The following TRPC1 variants were observed in gnomAD, a reference collection of about 807,000 sequenced individuals.
The protein encoded by TRPC1 is transient receptor potential cation channel subfamily C member 1.
Under a neutral mutation model 88.2 loss-of-function variants are expected in TRPC1, and 42 were observed. The observed-to-expected ratio is 0.48, with a 90% CI of 0.37 to 0.62. The LOEUF (loss-of-function observed/expected upper bound fraction) is 0.62, where lower values mean the gene tolerates loss of function less well. Among genes scored for constraint, TRPC1 ranks in the 20% least tolerant of loss-of-function variants. The pLI is 0.00. For synonymous variants in TRPC1, 288 were observed against 331.8 expected (o/e 0.87, Z 1.43); for missense variants, 699 against 957.3 (o/e 0.73, Z 3.56).
chr3:142,778,937 T>C (rs1332069922), intron 5 of TRPC1, among the ~76,000 whole-genome samples: 1 of 152,210 alleles, frequency 6.6e-6, no homozygotes, highest in African/African-American at 2.4e-5. Flanking sequence ...TACTTTACTT[T>C]GATGAACACA....
At position 142,725,600 on chromosome 3, in the gene TRPC1, AT is replaced by A. The variant is rs527917411; in HGVS notation, c.172+871del. Among the ~76,000 whole-genome samples the A allele has an allele frequency of 4.7e-3, 710 of 152,316 alleles. 5 individuals are homozygous for A. The highest frequency in any genetic ancestry group is 0.016 in the African/African-American group (660 of 41,582). On this transcript the variant is annotated intron_variant, in intron 1 of 12. Transcript: ENST00000476941. ...ATGTATATAACAAAAGGGATAGGAA[AT>A]TGATTGCCCTAAGACTGCTTTTGTT...
intron 7 of TRPC1, among the ~76,000 whole-genome samples, chr3:142,787,929 A>G (rs1936180936): frequency 6.6e-6 from 1 of 152,192 alleles, no homozygotes; most frequent in African/African-American, 2.4e-5. Flanking sequence ...GCTGAGATAA[A>G]AGCACATTCA....
At chr3:142,751,857 C>T (rs952749339) in intron 4 of TRPC1, among the ~76,000 whole-genome samples, 3 of 152,104 alleles carry the variant, frequency 2.0e-5, no homozygotes, top group African/African-American at 7.2e-5. Flanking sequence ...CAGAGGTTTA[C>T]CTGGAAATTT....
intron 4 of TRPC1, among the ~76,000 whole-genome samples, chr3:142,759,860 G>A (rs917113231): frequency 2.0e-5 from 3 of 152,106 alleles, no homozygotes; most frequent in Non-Finnish European, 2.9e-5. Context: ...ATTAATTTTT[G>A]TATAAGGTGT....
intron 5 of TRPC1, among the ~76,000 whole-genome samples, chr3:142,779,556 C>G (rs1192601409): frequency 6.6e-6 from 1 of 151,976 alleles, no homozygotes; most frequent in Non-Finnish European, 1.5e-5. Flanking sequence ...TTAAATAAAT[C>G]CAATTACTTA....
intron 6 of TRPC1, among the ~76,000 whole-genome samples, chr3:142,782,574 G>A (rs187482383): frequency 3.3e-4 from 50 of 152,316 alleles, no homozygotes; most frequent in Middle Eastern, 3.4e-3. Flanking sequence ...TGGCAATCAT[G>A]ATTTTTCTCT....
chr3:142,729,563 T>A (rs1200142709), intron 1 of TRPC1, among the ~76,000 whole-genome samples: 1 of 151,826 alleles, frequency 6.6e-6, no homozygotes, highest in African/African-American at 2.4e-5. Flanking sequence ...TCTGGGCAGT[T>A]AAAAAAAATG....
chr3:142,802,632 G>T (rs1042160885), intron 10 of TRPC1, among the ~76,000 whole-genome samples: 4 of 151,990 alleles, frequency 2.6e-5, no homozygotes, highest in Middle Eastern at 3.4e-3. Context: ...GCAATTCTTT[G>T]TCATTCCTAT....
intron 12 of TRPC1, among the ~76,000 whole-genome samples, chr3:142,805,763 C>T (rs367597956): frequency 5.5e-4 from 83 of 151,998 alleles, no homozygotes; most frequent in Middle Eastern, 3.2e-3. Context: ...CCAATCCCTG[C>T]TATAAACTAA....
intron 4 of TRPC1, among the ~76,000 whole-genome samples, chr3:142,755,420 C>T (rs1173198071): frequency 6.6e-6 from 1 of 152,090 alleles, no homozygotes; most frequent in Non-Finnish European, 1.5e-5. Context: ...AGCAAAACTC[C>T]ATCTAAAAAA....
intron 4 of TRPC1, among the ~76,000 whole-genome samples, chr3:142,757,866 A>G (rs1935033553): frequency 6.6e-6 from 1 of 152,196 alleles, no homozygotes; most frequent in South Asian, 2.1e-4. Context: ...TTTATTGGGT[A>G]CATGGGATAT....
Position 142,806,369 on chromosome 3 carries a change from T to C in TRPC1, c.*134T>C. On this transcript the variant is annotated 3_prime_UTR_variant, in exon 13 of 13. Coordinates refer to ENST00000476941, the MANE Select transcript of TRPC1 (RefSeq NM_001251845.2). ...TAAAAGCCATTCTTTAAAATATTTA[T>C]AGCATAAATATATGTTATGTAAAGT... 1.3e-6 allele frequency: 1 copy of C among 762,466 alleles called. No homozygotes were observed. Among genetic ancestry groups the C allele is most frequent in the South Asian group, 2.2e-5 (1 of 45,832 alleles). The allele number at this position is 762,466 out of a possible 1,614,324, so 47.2% of individuals were successfully genotyped here. A position where few individuals can be genotyped will look rare whatever the true frequency, so the allele number is the denominator to read the frequency against.
chr3:142,734,627 G>C (rs1482061472), intron 1 of TRPC1, among the ~76,000 whole-genome samples: 2 of 152,014 alleles, frequency 1.3e-5, no homozygotes, highest in Admixed American at 6.6e-5. Context: ...ATTAATGAAG[G>C]GTAGAAGTCC....
In TRPC1 at chr3:142,739,610, G is replaced by A. The variant is rs185681666; in HGVS notation, c.327+3077G>A. Among the ~76,000 whole-genome samples the A allele has an allele frequency of 1.5e-3, 226 of 152,288 alleles. 2 individuals are homozygous for A. The highest frequency in any genetic ancestry group is 3.9e-3 in the Admixed American group (59 of 15,296). ...AAAATGGATACAAAGGGCCTTGAAT[G>A]CCAGAATAAGGAATTTGGGTTTTAT... On this transcript the variant is annotated intron_variant, in intron 2 of 12. Coordinates refer to ENST00000476941, the MANE Select transcript of TRPC1 (RefSeq NM_001251845.2).
intron 9 of TRPC1, 89 bp from the exon 10 acceptor site, chr3:142,802,080 G>GTCTTCTTCC: frequency 1.1e-6 from 1 of 909,990 alleles, no homozygotes; most frequent in African/African-American, 1.7e-5. Flanking sequence ...TTATGTGTTT[G>GTCTTCTTCC]TCTTCTTCCT....
intron 4 of TRPC1, among the ~76,000 whole-genome samples, chr3:142,773,857 T>C (rs756492857): frequency 6.6e-6 from 1 of 151,266 alleles, no homozygotes; most frequent in Non-Finnish European, 1.5e-5. Flanking sequence ...AGGCACCTTT[T>C]CCTTGAACAT....
At chr3:142,778,147 T>C (rs1935847170) in intron 5 of TRPC1, among the ~76,000 whole-genome samples, 1 of 152,228 alleles carries the variant, frequency 6.6e-6, no homozygotes, top group Admixed American at 6.5e-5. Context: ...CCTTGAGTAA[T>C]GATCCTTCAG....
chr3:142,793,576 T>G (rs1390329169), intron 9 of TRPC1, among the ~76,000 whole-genome samples: 1 of 152,052 alleles, frequency 6.6e-6, no homozygotes, highest in Non-Finnish European at 1.5e-5. Context: ...TTATTATGTA[T>G]GAGAGTTCAA....
At chr3:142,770,469 A>G (rs1935539651) in intron 4 of TRPC1, among the ~76,000 whole-genome samples, 1 of 152,176 alleles carries the variant, frequency 6.6e-6, no homozygotes, top group South Asian at 2.1e-4. Flanking sequence ...GTAACTTTTT[A>G]AAGTCTGATA....
Sources: gnomAD v4.1 joint callset for allele counts (sites outside exome capture counted in the v4.1 genomes callset) on GRCh38, gnomAD v4.1.1 for gene constraint, MANE v1.5 for transcripts, NCBI Gene and HGNC (gene_info 2026-07-23, HGNC 2026-07-21) for gene names.